The following ARHGEF40 variants were observed in gnomAD, a reference collection of about 807,000 sequenced individuals.
The protein encoded by ARHGEF40 is Rho guanine nucleotide exchange factor 40.
A neutral mutation model predicts 165.9 loss-of-function variants in ARHGEF40; 98 were observed. The observed-to-expected ratio is 0.59, with a 90% CI of 0.50 to 0.70. The LOEUF is 0.70. Among genes scored for constraint, ARHGEF40 ranks in the 30% least tolerant of loss-of-function variants. ARHGEF40 has a pLI of 0.00. For missense variants in ARHGEF40, 1,815 were observed against 1,968.0 expected, an observed-to-expected ratio of 0.92 and a Z score of 1.47; for synonymous variants, 792 against 814.3, an observed-to-expected ratio of 0.97 and a Z score of 0.47.
At position 21,075,302 on chromosome 14, in the gene ARHGEF40, AG is replaced by A; in HGVS notation, c.1451-29del. The A allele has an allele frequency of 6.2e-7, 1 of 1,612,374 alleles. No individual in the cohort carries two copies. The highest frequency in any genetic ancestry group is 8.5e-7 in the Non-Finnish European group (1 of 1,179,400). ...GAACAACCAGAACCATCTTAACTTC[AG>A]TCCCATGTTTCTGTCTGTGTCTGTG... On this transcript the variant is annotated intron_variant, in intron 3 of 23. Coordinates refer to ENST00000298694, the MANE Select transcript of ARHGEF40 (RefSeq NM_018071.5). This position sits in a 1 kb window ranked among gnomAD's most constrained non-coding sequence, Gnocchi z 4.5.
rs1412595660 is a variant in ARHGEF40 at position 21,081,761 on chromosome 14, T to C, written c.2893T>C (p.Tyr965His). ...HVGEEASPRG[Y>H]RRRRADGASS... The stretch of plus-strand genomic sequence containing the variant: ...GGGAGAGGAGGCGAGCCCACGGGGC[T>C]ACCGACGACGGCGGGCAGACGGTGC... Residue 965 changes from tyrosine (Y) to histidine (H), a missense_variant, in exon 14 of 24, where the codon TAC becomes CAC. Tyr to His is a moderately conservative substitution (Grantham distance 83). Transcript: ENST00000298694. 1 of 1,588,922 alleles carries C rather than the reference T, an allele frequency of 6.3e-7. No individual in the cohort carries two copies. The highest frequency in any genetic ancestry group is 8.6e-7 in the Non-Finnish European group (1 of 1,168,214).
chr14:21,077,927 G>C (rs1887558284), intron 8 of ARHGEF40, among the ~76,000 whole-genome samples: 1 of 152,236 alleles, frequency 6.6e-6, no homozygotes, highest in South Asian at 2.1e-4. Flanking sequence ...GCCCACGTTA[G>C]TTGCTAAACT....
chr14:21,071,872 G>A (rs1287379991), intron 1 of ARHGEF40, among the ~76,000 whole-genome samples: 1 of 152,202 alleles, frequency 6.6e-6, no homozygotes, highest in Admixed American at 6.5e-5. Flanking sequence ...GCGCGCTGAC[G>A]CACTGAATGT....
chr14:21,076,811 T>C lies in ARHGEF40; in HGVS notation c.1955T>C (p.Val652Ala). ...EVLSENDLKR[V>A]AKPEELQWEL... ...CTGTCAGAGAATGATCTGAAAAGAGTGGCCAAGCCAGAGGAGCTGCAGTGG... is the reference window on the plus strand; with the variant it reads ...CTGTCAGAGAATGATCTGAAAAGAGCGGCCAAGCCAGAGGAGCTGCAGTGG... Residue 652 changes from valine to alanine, a missense_variant, in exon 8 of 24, where the codon GTG (valine) becomes GCG (alanine). Coordinates refer to ENST00000298694, the MANE Select transcript of ARHGEF40 (RefSeq NM_018071.5). The C allele has an allele frequency of 5.0e-6, 8 of 1,613,856 alleles. No individual in the cohort carries two copies. Among genetic ancestry groups the C allele is most frequent in the South Asian group, 1.1e-5 (1 of 91,072 alleles).
chr14:21,088,188 G>GAAT, intron 22 of ARHGEF40, 90 bp downstream of exon 22: 1 of 1,464,592 alleles, frequency 6.8e-7, no homozygotes, highest in Non-Finnish European at 9.1e-7. Context: ...CAGGGGGGTT[G>GAAT]GGGGAAAACT....
intron 5 of ARHGEF40, among the ~76,000 whole-genome samples, chr14:21,076,145 G>A (rs1296753818): frequency 6.6e-6 from 1 of 152,170 alleles, no homozygotes; most frequent in Non-Finnish European, 1.5e-5. Flanking sequence ...TGACCTAGTA[G>A]CCATATGAAT....
At chr14:21,084,131 C>G in intron 17 of ARHGEF40, 81 bp downstream of exon 17, 6 of 1,409,886 alleles carry the variant, frequency 4.3e-6, no homozygotes, top group Non-Finnish European at 5.7e-6. Context: ...GACAGGAGAA[C>G]CAGGCTCCAG....
chr14:21,070,016 C>T (rs1886557199), upstream of ARHGEF40, among the ~76,000 whole-genome samples: 1 of 152,064 alleles, frequency 6.6e-6, no homozygotes, highest in Non-Finnish European at 1.5e-5. The surrounding 1 kb of genome is among the most constrained non-coding windows in gnomAD (Gnocchi z 4.7). Context: ...GCATCCTCGG[C>T]TGGGCGGGCC....
In ARHGEF40 at chr14:21,083,854, C is replaced by T. The variant is rs1888129699; in HGVS notation, c.3593C>T (p.Pro1198Leu). The change falls in exon 17 of 24, where the codon CCT (proline) becomes CTT (leucine). Residue 1198 changes from proline (P) to leucine (L), a missense_variant. By Grantham distance (98) the Pro-to-Leu change is moderately conservative. Transcript: ENST00000298694. Reference protein sequence around the residue: ...PLSKGSMEAGPYLPRALQQPL... With the variant: ...PLSKGSMEAGLYLPRALQQPL... ...ACCTAGGGCTCCATGGAGGCTGGCC[C>T]TTACCTGCCCCGAGCCCTGCAGCAG... 3 of 1,613,854 alleles carry T rather than the reference C, an allele frequency of 1.9e-6. No individual in the cohort carries two copies. The Admixed American group carries it at 5.0e-5, about 27-fold the overall frequency.
chr14:21,086,472 C>G (rs1888344186), intron 19 of ARHGEF40: 1 of 153,010 alleles, frequency 6.5e-6, no homozygotes, highest in African/African-American at 2.4e-5. Context: ...CTGCTACTTG[C>G]TGTGTGACCT....
intron 16 of ARHGEF40, 87 bp from the exon 17 acceptor site, chr14:21,083,748 G>T: frequency 2.4e-6 from 3 of 1,258,856 alleles, no homozygotes; most frequent in Middle Eastern, 2.1e-4. Flanking sequence ...AAAAGCCTAG[G>T]GTATCACCCA....
chr14:21,080,377 C>A (rs1887799537), intron 11 of ARHGEF40, among the ~76,000 whole-genome samples: 1 of 152,134 alleles, frequency 6.6e-6, no homozygotes, highest in Admixed American at 6.5e-5. Flanking sequence ...GTTTGATGTA[C>A]TTCACCCTCG....
In ARHGEF40 at chr14:21,083,945, G is replaced by A. The variant is rs764201816; in HGVS notation, c.3684G>A (p.Glu1228=). ...AGCTCCTGAGGGAAGCTGGGCCTGA[G>A]CTCAGTTCTGAGTGCCGGGCCCTTG... ...LEELLREAGP[E]LSSECRALGA... Residue 1228 remains glutamate, a synonymous_variant, in exon 17 of 24, where the codon GAG becomes GAA. Transcript: ENST00000298694. 6.2e-7 allele frequency: 1 copy of A among 1,614,046 alleles called. No individual in the cohort carries two copies. The highest frequency in any genetic ancestry group is 8.5e-7 in the Non-Finnish European group (1 of 1,180,024).
At chr14:21,076,052 C>T (rs1336202240) in intron 5 of ARHGEF40, among the ~76,000 whole-genome samples, 1 of 152,164 alleles carries the variant, frequency 6.6e-6, no homozygotes, top group Middle Eastern at 3.2e-3. Flanking sequence ...GCACTGAGTA[C>T]CTATTAGGCA....
At chr14:21,067,467 C>T (rs569893511), upstream of ARHGEF40, among the ~76,000 whole-genome samples, 17 of 152,108 alleles carry the variant, frequency 1.1e-4, no homozygotes, top group African/African-American at 2.2e-4. Context: ...TTACTGGTTG[C>T]GACTGAAGCC....
Position 21,083,298 on chromosome 14 carries a change from T to C in ARHGEF40, c.3573+381T>C, listed in dbSNP as rs367850665. Among the ~76,000 whole-genome samples, 19 of 151,968 alleles carry C rather than the reference T, an allele frequency of 1.3e-4. 2 individuals carry two copies. The highest frequency in any genetic ancestry group is 8.5e-4 in the Admixed American group (13 of 15,274). On this transcript the variant is annotated intron_variant, in intron 16 of 23. Transcript: ENST00000298694. ...GACTCACACCTGTAATCCCAGCACT[T>C]TGGGAGGCCGAGGCGGGTGGATCAC...
At chr14:21,069,085 C>T (rs1886464084), upstream of ARHGEF40, among the ~76,000 whole-genome samples, 1 of 152,392 alleles carries the variant, frequency 6.6e-6, no homozygotes, top group South Asian at 2.1e-4. Context: ...CCGATCTCCT[C>T]TCCTCTCCCT....
In ARHGEF40 at chr14:21,082,382, G is replaced by A. The variant is rs761065815; in HGVS notation, c.3390G>A (p.Arg1130=). 4.3e-6 allele frequency: 7 copies of A among 1,611,656 alleles called. No homozygotes were observed. The South Asian group carries it at 4.4e-5, about 10-fold the overall frequency. Residue 1130 remains arginine, a synonymous_variant, in exon 15 of 24, where the codon CGG becomes CGA. Coordinates refer to ENST00000298694, the MANE Select transcript of ARHGEF40 (RefSeq NM_018071.5). ...RGTWAAALSA[R]ERLRSFHRTH... ...CCTGGGCTGCTGCCCTGAGTGCCCG[G>A]GAAAGGCTTCGCAGCTTCCACCGGA...
Position 21,083,818 on chromosome 14 carries a change from CTG to C in ARHGEF40, c.3574-13_3574-12del. 1 of 1,607,752 alleles carries C rather than the reference CTG, an allele frequency of 6.2e-7. No homozygotes were observed. The highest frequency in any genetic ancestry group is 8.5e-7 in the Non-Finnish European group (1 of 1,175,654). On this transcript the variant is annotated splice_polypyrimidine_tract_variant and intron_variant, in intron 16 of 23. Coordinates refer to ENST00000298694, the MANE Select transcript of ARHGEF40 (RefSeq NM_018071.5). The stretch of plus-strand genomic sequence containing the variant: ...GCTCCACCCCTCCCCTCATCCCTGT[CTG>C]TGTCCTCAACCTAGGGCTCCATGGA...
Sources: gnomAD v4.1 joint callset for allele counts (sites outside exome capture counted in the v4.1 genomes callset) on GRCh38, gnomAD v4.1.1 for gene constraint, Gnocchi (gnomAD v3.1) non-coding constraint, MANE v1.5 for transcripts, NCBI Gene and HGNC (gene_info 2026-07-23, HGNC 2026-07-21) for gene names.